The following RBM27 variants were observed in gnomAD, a reference collection of about 807,000 sequenced individuals.
RBM27 encodes RNA binding motif protein 27, also known as RNA-binding protein 27.
RBM27 carries 22 observed loss-of-function variants against 135.3 expected under a neutral mutation model. The observed-to-expected ratio is 0.16, with a 90% CI of 0.12 to 0.23. The LOEUF (loss-of-function observed/expected upper bound fraction) is 0.23, where lower values mean the gene tolerates loss of function less well. RBM27 is among the 10% of genes least tolerant of loss of function. The probability of loss-of-function intolerance (pLI) is 1.00; values close to 1 mark genes in which losing one functional copy is unlikely to be tolerated. For missense variants in RBM27, 1,009 were observed against 1,281.0 expected (o/e 0.79, Z 3.24); for synonymous variants, 481 against 442.4 (o/e 1.09, Z -1.10).
intron 1 of RBM27, 31 bp downstream of exon 1, chr5:146,203,855 G>C: frequency 8.1e-7 from 1 of 1,230,624 alleles, no homozygotes; most frequent in Non-Finnish European, 1.1e-6. Flanking sequence ...CGGGGCCGGC[G>C]AACGTGGGCG....
chr5:146,283,841 T>G (rs554610236), intron 19 of RBM27, among the ~76,000 whole-genome samples: 1 of 152,236 alleles, frequency 6.6e-6, no homozygotes, highest in South Asian at 2.1e-4. Flanking sequence ...AAAGCCCAAA[T>G]AAAAAAGAAT....
chr5:146,257,133 A>G (rs1181354479), intron 10 of RBM27, among the ~76,000 whole-genome samples: 2 of 152,248 alleles, frequency 1.3e-5, no homozygotes, highest in Non-Finnish European at 2.9e-5. Context: ...CGTTAAGTGA[A>G]TGAATCTTTA....
chr5:146,212,960 A>G (rs1756030610), intron 1 of RBM27, among the ~76,000 whole-genome samples: 1 of 152,146 alleles, frequency 6.6e-6, no homozygotes, highest in Non-Finnish European at 1.5e-5. Flanking sequence ...TTTTTTTGTT[A>G]AAAATTAATG....
intron 19 of RBM27, among the ~76,000 whole-genome samples, chr5:146,274,719 A>G (rs1230131773): frequency 6.6e-6 from 1 of 152,162 alleles, no homozygotes; most frequent in Non-Finnish European, 1.5e-5. Context: ...TGAAAGGTAT[A>G]TTTACATTAA....
At chr5:146,232,220 A>G (rs1019842243) in intron 6 of RBM27, among the ~76,000 whole-genome samples, 9 of 152,298 alleles carry the variant, frequency 5.9e-5, no homozygotes, top group South Asian at 2.1e-4. Context: ...ATTTTTTTCT[A>G]TAAATACAGA....
At chr5:146,231,584 AC>A (rs1286284357) in intron 6 of RBM27, among the ~76,000 whole-genome samples, 1 of 151,876 alleles carries the variant, frequency 6.6e-6, no homozygotes, top group Non-Finnish European at 1.5e-5. Context: ...TTTCATAGAC[AC>A]TAGTAATTGT....
chr5:146,273,302 A>T (rs1424101351), intron 19 of RBM27, among the ~76,000 whole-genome samples: 1 of 152,248 alleles, frequency 6.6e-6, no homozygotes, highest in Admixed American at 6.5e-5. Flanking sequence ...GCTCAAATGG[A>T]TCTCCTTCCT....
chr5:146,235,697 T>G (rs1037805419), intron 7 of RBM27, among the ~76,000 whole-genome samples: 13 of 152,178 alleles, frequency 8.5e-5, no homozygotes, highest in African/African-American at 3.1e-4. Context: ...ATTTTCTTTT[T>G]GAGACAAGAT....
rs984252328 is a variant in RBM27 at position 146,287,806 on chromosome 5, A to G, written c.*1776A>G. ...TTATATTTCTAGTAACACTGAAGGT[A>G]AAATAAGCTTATAAAAGAAGGAAAA... On this transcript the variant is annotated 3_prime_UTR_variant, in exon 21 of 21. Transcript: ENST00000265271. 1 of 152,152 alleles carries G rather than the reference A, an allele frequency of 6.6e-6. No homozygotes were observed. Among genetic ancestry groups the G allele is most frequent in the Admixed American group, 6.6e-5 (1 of 15,264 alleles). 9.4% of individuals were successfully genotyped at this position (152,152 alleles called of 1,614,324 possible).
At position 146,261,495 on chromosome 5, in the gene RBM27, T is replaced by C; in HGVS notation, c.1894-15T>C. On this transcript the variant is annotated splice_polypyrimidine_tract_variant and intron_variant, in intron 12 of 20. Coordinates refer to ENST00000265271, the MANE Select transcript of RBM27 (RefSeq NM_018989.2). ...TTCTGTTTTTGGGAATTTATATTGTTTTATTTTCTTCAAGGTTGCTTTTAA... is the reference window on the plus strand; with the variant it reads ...TTCTGTTTTTGGGAATTTATATTGTCTTATTTTCTTCAAGGTTGCTTTTAA... The C allele has an allele frequency of 6.2e-7, 1 of 1,601,884 alleles. No homozygotes were observed. The highest frequency in any genetic ancestry group is 1.1e-5 in the South Asian group (1 of 90,614).
In RBM27 at chr5:146,271,035, A is replaced by G. The variant is rs756796897; in HGVS notation, c.2773A>G (p.Lys925Glu). 1 of 1,613,146 alleles carries G rather than the reference A, an allele frequency of 6.2e-7. No homozygotes were observed. Among genetic ancestry groups the G allele is most frequent in the Non-Finnish European group, 8.5e-7 (1 of 1,179,196 alleles). The change falls in exon 18 of 21, where the codon AAA becomes GAA. Residue 925 changes from lysine to glutamate, a missense_variant. Physicochemically the swap from Lys to Glu is moderately conservative, Grantham distance 56. This residue lies in a region of RBM27 where 355 missense variants were observed against 427.3 expected (regional missense o/e 0.83). Coordinates refer to ENST00000265271, the MANE Select transcript of RBM27 (RefSeq NM_018989.2). The stretch of plus-strand genomic sequence containing the variant: ...AGAAGACACCACAGAATTACGGAAA[A>G]AACTCAGTCAGTTACAGGTTGAGGT... Reference protein sequence around the residue: ...SGEDTTELRKKLSQLQVEAAR... With the variant: ...SGEDTTELRKELSQLQVEAAR...
intron 19 of RBM27, among the ~76,000 whole-genome samples, chr5:146,284,243 T>G (rs983854834): frequency 2.6e-5 from 4 of 152,150 alleles, no homozygotes; most frequent in Non-Finnish European, 5.9e-5. Context: ...TGATTCACCT[T>G]TTTTCTAAGG....
At chr5:146,260,931 G>A in intron 12 of RBM27, 33 bp downstream of exon 12, 1 of 1,576,042 alleles carries the variant, frequency 6.3e-7, no homozygotes. Context: ...CAGAATCCAG[G>A]CATTTTATGG....
At chr5:146,271,706 A>G (rs954324526) in intron 19 of RBM27, 32 bp downstream of exon 19, 3 of 1,555,502 alleles carry the variant, frequency 1.9e-6, no homozygotes, top group East Asian at 2.2e-5. Flanking sequence ...TGCTAACTGT[A>G]AAAACACTGT....
At chr5:146,246,930 C>T (rs1426598677) in intron 8 of RBM27, among the ~76,000 whole-genome samples, 1 of 145,276 alleles carries the variant, frequency 6.9e-6, no homozygotes, top group Non-Finnish European at 1.5e-5. Flanking sequence ...GTGGCACAAT[C>T]TTGGCTCACT....
Position 146,269,451 on chromosome 5 carries a change from A to G in RBM27, c.2558A>G (p.Asn853Ser). 6.4e-7 allele frequency: 1 copy of G among 1,564,740 alleles called. No homozygotes were observed. The highest frequency in any genetic ancestry group is 1.2e-5 in the South Asian group (1 of 82,542). The change falls in exon 17 of 21, where the codon AAC (asparagine) becomes AGC (serine). Residue 853 changes from asparagine to serine, a missense_variant. Transcript: ENST00000265271. ...ATATCCAAGTTAGAAAAAAACAAAAACATGAAACCAGAAGAAAGAGCAAAT... is the reference window on the plus strand; with the variant it reads ...ATATCCAAGTTAGAAAAAAACAAAAGCATGAAACCAGAAGAAAGAGCAAAT... ...MLISKLEKNKNMKPEERANIM... is the reference protein window; with the variant it reads ...MLISKLEKNKSMKPEERANIM...
chr5:146,256,605 C>T (rs1201780573), intron 10 of RBM27, among the ~76,000 whole-genome samples: 4 of 151,858 alleles, frequency 2.6e-5, no homozygotes, highest in South Asian at 2.1e-4. Context: ...GATCTCACCT[C>T]GGACTCCCAA....
intron 1 of RBM27, among the ~76,000 whole-genome samples, chr5:146,217,228 A>T (rs557589110): frequency 1.3e-5 from 2 of 151,980 alleles, no homozygotes; most frequent in Non-Finnish European, 2.9e-5. Context: ...TGGCCTCCCA[A>T]AGTGCTAGGA....
intron 1 of RBM27, among the ~76,000 whole-genome samples, chr5:146,211,779 A>C (rs1394302118): frequency 6.6e-6 from 1 of 152,088 alleles, no homozygotes; most frequent in Non-Finnish European, 1.5e-5. Flanking sequence ...GTCTTACCAA[A>C]GGGATAATCT....
Sources: gnomAD v4.1 joint callset for allele counts (sites outside exome capture counted in the v4.1 genomes callset) on GRCh38, gnomAD v4.1.1 for gene constraint, gnomAD v4.1.1 regional missense constraint, MANE v1.5 for transcripts, NCBI Gene and HGNC (gene_info 2026-07-23, HGNC 2026-07-21) for gene names.